Variants in ACAD10 observed in about 807,000 individuals in gnomAD.
ACAD10 encodes acyl-CoA dehydrogenase family member 10.
ACAD10 carries 112 observed loss-of-function variants against 116.8 expected under a neutral mutation model. That is an observed-to-expected ratio of 0.96 (90% CI 0.82 to 1.12). ACAD10 has a LOEUF of 1.12. Ranked by LOEUF, ACAD10 falls within the 50% of genes most tolerant of loss-of-function variation. The pLI is 0.00. For synonymous variants in ACAD10, 486 were observed against 510.6 expected, an observed-to-expected ratio of 0.95 and a Z score of 0.65; for missense variants, 1,259 against 1,350.2, an observed-to-expected ratio of 0.93 and a Z score of 1.06.
intron 18 of ACAD10, among the ~76,000 whole-genome samples, chr12:111,750,172 A>C (rs1268633723): frequency 2.0e-5 from 3 of 150,376 alleles, no homozygotes; most frequent in Non-Finnish European, 3.0e-5. Context: ...GCTCACTGCA[A>C]CCTCTGCCTA....
intron 10 of ACAD10, among the ~76,000 whole-genome samples, chr12:111,732,293 A>G (rs1218953795): frequency 1.3e-5 from 2 of 152,236 alleles, no homozygotes; most frequent in East Asian, 3.8e-4. Flanking sequence ...GAGTAAAATA[A>G]ACCAATTTGC....
chr12:111,717,941 T>G (rs561546139), intron 7 of ACAD10, among the ~76,000 whole-genome samples: 1 of 152,092 alleles, frequency 6.6e-6, no homozygotes, highest in South Asian at 2.1e-4. Flanking sequence ...TTGTAATTTC[T>G]AAGGAGTCTG....
chr12:111,747,443 G>A (rs1193995915), intron 16 of ACAD10, 58 bp downstream of exon 16: 41 of 1,602,166 alleles, frequency 2.6e-5, no homozygotes, highest in South Asian at 3.3e-5. Flanking sequence ...GCTGTTAGGC[G>A]CGTCTCTCAA....
At position 111,744,844 on chromosome 12, in the gene ACAD10, T is replaced by G. The variant is rs998474855; in HGVS notation, c.1916T>G (p.Val639Gly). 1 of 1,614,222 alleles carries G rather than the reference T, an allele frequency of 6.2e-7. No individual in the cohort carries two copies. Among genetic ancestry groups the G allele is most frequent in the Admixed American group, 1.7e-5 (1 of 60,026 alleles). ...CPTGSRSYSS[V>G]PEASPAHTSR... ...ACAGGCAGCAGGAGTTATAGCTCCG[T>G]TCCAGAAGCTTCCCCAGCTCATACC... The change falls in exon 13 of 21, where the codon GTT becomes GGT. Residue 639 changes from valine (V) to glycine (G), a missense_variant. By Grantham distance (109) the Val-to-Gly change is moderately radical. Coordinates refer to ENST00000313698, the MANE Select transcript of ACAD10 (RefSeq NM_025247.6).
intron 2 of ACAD10, among the ~76,000 whole-genome samples, chr12:111,697,362 C>CT (rs1160985539): frequency 5.3e-3 from 711 of 135,336 alleles, no homozygotes; most frequent in South Asian, 0.011. Flanking sequence ...TTTTCTTTTC[C>CT]TTTTTTTTTT....
At chr12:111,729,540 T>C (rs1255444763) in intron 9 of ACAD10, among the ~76,000 whole-genome samples, 1 of 152,162 alleles carries the variant, frequency 6.6e-6, no homozygotes, top group Non-Finnish European at 1.5e-5. Flanking sequence ...CCACAAGGTC[T>C]TTAAGAGGAC....
At chr12:111,714,291 T>G (rs1407552454) in intron 6 of ACAD10, among the ~76,000 whole-genome samples, 1 of 151,538 alleles carries the variant, frequency 6.6e-6, no homozygotes, top group Admixed American at 6.6e-5. Context: ...CAACAAATTG[T>G]CTCCATTTCT....
intron 8 of ACAD10, among the ~76,000 whole-genome samples, chr12:111,724,857 GGAAAGAGA>G (rs1392217887): frequency 6.6e-6 from 1 of 151,168 alleles, no homozygotes; most frequent in African/African-American, 2.4e-5. Flanking sequence ...GGGAGACCGT[GGAAAGAGA>G]GGGAGAGGGA....
intron 9 of ACAD10, among the ~76,000 whole-genome samples, chr12:111,728,940 C>G (rs1309252224): frequency 6.6e-6 from 1 of 152,154 alleles, no homozygotes; most frequent in Non-Finnish European, 1.5e-5. Context: ...TTTGGCCTCC[C>G]AAAGTGTTGG....
At chr12:111,720,460 C>T (rs1466319652) in intron 7 of ACAD10, among the ~76,000 whole-genome samples, 3 of 152,004 alleles carry the variant, frequency 2.0e-5, no homozygotes, top group Admixed American at 6.6e-5. Flanking sequence ...TGATATATTT[C>T]GAAGCTCTGT....
At chr12:111,687,796 G>A (rs1159593239) in intron 1 of ACAD10, among the ~76,000 whole-genome samples, 1 of 152,154 alleles carries the variant, frequency 6.6e-6, no homozygotes, top group Non-Finnish European at 1.5e-5. Flanking sequence ...GGTAGTAGTG[G>A]CAGAGCTGGA....
intron 1 of ACAD10, among the ~76,000 whole-genome samples, chr12:111,688,378 G>T (rs1231731251): frequency 6.6e-6 from 1 of 152,198 alleles, no homozygotes; most frequent in East Asian, 1.9e-4. Context: ...ATCCTCAGCA[G>T]ATGGGTGCAG....
rs769406309 is a variant in ACAD10, at chr12:111,756,484, C to T, written c.*11C>T. The T allele has an allele frequency of 5.7e-5, 92 of 1,610,982 alleles. 2 individuals are homozygous for T. In the South Asian group the frequency reaches 9.7e-4, roughly 17 times the overall value. On this transcript the variant is annotated 3_prime_UTR_variant, in exon 21 of 21. Coordinates refer to ENST00000313698, the MANE Select transcript of ACAD10 (RefSeq NM_025247.6). ...AAGCACCGCATTTAGAGCCTTGGGG[C>T]TGCAGTGGCTCAATGTCCTGGCTGG...
chr12:111,716,515 G>A (rs1429820438), intron 7 of ACAD10, among the ~76,000 whole-genome samples: 1 of 152,130 alleles, frequency 6.6e-6, no homozygotes, highest in Admixed American at 6.5e-5. Context: ...TCTAAGTAGG[G>A]GGAAACAGCT....
intron 10 of ACAD10, 109 bp from the exon 11 acceptor site, chr12:111,733,813 AG>A: frequency 1.5e-6 from 2 of 1,365,436 alleles, no homozygotes; most frequent in Non-Finnish European, 2.0e-6. Flanking sequence ...CCGGGCACAG[AG>A]GGGATGGGAG....
intron 5 of ACAD10, 25 bp from the exon 6 acceptor site, chr12:111,712,473 A>G (rs369459740): frequency 9.4e-6 from 15 of 1,595,806 alleles, no homozygotes; most frequent in Admixed American, 7.1e-5. Flanking sequence ...AAAAATATAC[A>G]TCTACATATT....
chr12:111,735,818 A>ATT (rs1555259314), intron 11 of ACAD10, among the ~76,000 whole-genome samples: 20 of 151,314 alleles, frequency 1.3e-4, no homozygotes, highest in African/African-American at 4.9e-4. Context: ...TTTTATTTTT[A>ATT]TATTTATTTA....
chr12:111,713,316 G>GA (rs58158093), intron 6 of ACAD10, among the ~76,000 whole-genome samples: 17 of 132,056 alleles, frequency 1.3e-4, no homozygotes, highest in Non-Finnish European at 1.1e-4. Context: ...ATCTCGGGGG[G>GA]AAAAAAAAAA....
At position 111,747,384 on chromosome 12, in the gene ACAD10, A is replaced by G; in HGVS notation, c.2484A>G (p.Thr828=). The G allele has an allele frequency of 1.2e-6, 2 of 1,614,164 alleles. No individual in the cohort carries two copies. Among genetic ancestry groups the G allele is most frequent in the South Asian group, 1.1e-5 (1 of 91,082 alleles). ...YVINGHKWWI[T]GILDPRCQLC... Reference sequence around the variant, plus strand: ...TAAACGGTCACAAATGGTGGATCACAGGTATTTGGCCTAAAATGCACTTTC... The same window carrying G: ...TAAACGGTCACAAATGGTGGATCACGGGTATTTGGCCTAAAATGCACTTTC... Residue 828 remains threonine (T), a splice_region_variant and synonymous_variant, in exon 16 of 21, where the codon ACA becomes ACG. Transcript: ENST00000313698.
Sources: allele counts gnomAD v4.1 joint callset (sites outside exome capture counted in the v4.1 genomes callset), GRCh38; gene constraint gnomAD v4.1.1; transcripts MANE v1.5; gene names NCBI Gene and HGNC (gene_info 2026-07-23, HGNC 2026-07-21).